CCDC50: variants seen among roughly 807,000 people sequenced by gnomAD.
The protein encoded by CCDC50 is coiled-coil domain containing 50, also known as coiled-coil domain-containing protein 50.
A neutral mutation model predicts 70.2 loss-of-function variants in CCDC50; 54 were observed. That is an observed-to-expected ratio of 0.77 (90% confidence interval 0.62 to 0.96). The LOEUF (loss-of-function observed/expected upper bound fraction) is 0.96, where lower values mean the gene tolerates loss of function less well. Ranked by LOEUF, CCDC50 falls within the 50% of genes least tolerant of loss-of-function variation. The pLI is 0.00. For missense variants in CCDC50, 558 were observed against 578.7 expected (o/e 0.96, Z 0.37); for synonymous variants, 216 against 198.8 (o/e 1.09, Z -0.73).
At chr3:191,360,840 C>T (rs1002662117) in intron 3 of CCDC50, among the ~76,000 whole-genome samples, 2 of 152,126 alleles carry the variant, frequency 1.3e-5, no homozygotes, top group Non-Finnish European at 2.9e-5. Flanking sequence ...TCCAGTTCTA[C>T]CACATATTTT....
At chr3:191,341,890 T>A (rs1394633630) in intron 1 of CCDC50, among the ~76,000 whole-genome samples, 3 of 152,216 alleles carry the variant, frequency 2.0e-5, no homozygotes, top group Non-Finnish European at 4.4e-5. Context: ...CACCTTATTC[T>A]GTATAGATTG....
chr3:191,388,677 A>G (rs1713581405), intron 10 of CCDC50, among the ~76,000 whole-genome samples: 1 of 152,220 alleles, frequency 6.6e-6, no homozygotes. Flanking sequence ...AACTTTACAA[A>G]CTTCAGAATA....
rs1019870930 is a variant in CCDC50, at chr3:191,393,236, G to C, written c.*1476G>C. Reference sequence around the variant, plus strand: ...AAGCTCACTTGTTCTCCCTCTCTCTGTCTCCCCCCCATGTACACATATATA... The same window carrying C: ...AAGCTCACTTGTTCTCCCTCTCTCTCTCTCCCCCCCATGTACACATATATA... On this transcript the variant is annotated 3_prime_UTR_variant, in exon 12 of 12. Coordinates refer to ENST00000392455, the MANE Select transcript of CCDC50 (RefSeq NM_178335.3). 1.3e-5 allele frequency: 2 copies of C among 151,770 alleles called. No individual in the cohort carries two copies. Among genetic ancestry groups the C allele is most frequent in the African/African-American group, 4.8e-5 (2 of 41,244 alleles). The allele number at this position is 151,770 out of a possible 1,614,324, so 9.4% of individuals were successfully genotyped here.
chr3:191,346,176 T>C (rs191797765), intron 1 of CCDC50, among the ~76,000 whole-genome samples: 3 of 152,352 alleles, frequency 2.0e-5, no homozygotes, highest in East Asian at 1.9e-4. Flanking sequence ...ATAAAATTGC[T>C]ACTACAACTG....
At chr3:191,359,207 C>G (rs537544822) in intron 3 of CCDC50, among the ~76,000 whole-genome samples, 11 of 152,198 alleles carry the variant, frequency 7.2e-5, no homozygotes, top group African/African-American at 1.9e-4. Flanking sequence ...CTTCACAAGA[C>G]GATGTGTTTA....
intron 4 of CCDC50, among the ~76,000 whole-genome samples, chr3:191,365,607 G>A (rs1344441110): frequency 1.3e-5 from 2 of 152,000 alleles, no homozygotes; most frequent in East Asian, 1.9e-4. Flanking sequence ...CATCCCTGCC[G>A]AGTTAGATGT....
chr3:191,390,986 G>A (rs756214532), intron 11 of CCDC50, among the ~76,000 whole-genome samples: 9 of 152,178 alleles, frequency 5.9e-5, no homozygotes, highest in Non-Finnish European at 1.2e-4. Context: ...TGGTGAAAAG[G>A]TAGTTTCTCA....
chr3:191,369,866 A>T lies in CCDC50; in HGVS notation c.331-53A>T, dbSNP rs924594905. On this transcript the variant is annotated intron_variant, in intron 4 of 11. Transcript: ENST00000392455. ...TGGAATGTCAAGCCCCACCATATGG[A>T]GTTTGTTTGTTCTTTGGTAATGTGT... 13 of 1,264,074 alleles carry T rather than the reference A, an allele frequency of 1.0e-5. No homozygotes were observed. The African/African-American group carries it at 1.8e-4, about 17-fold the overall frequency. The allele number at this position is 1,264,074 out of a possible 1,614,324, so 78.3% of individuals were successfully genotyped here.
At chr3:191,380,120 G>A (rs1422267815) in intron 6 of CCDC50, 39 bp from the exon 7 acceptor site, 5 of 1,250,096 alleles carry the variant, frequency 4.0e-6, no homozygotes, top group Non-Finnish European at 5.7e-6. Context: ...AAACATCCTC[G>A]GTTGTTTTAT....
At chr3:191,371,373 G>T (rs1712909098) in intron 5 of CCDC50, among the ~76,000 whole-genome samples, 1 of 152,136 alleles carries the variant, frequency 6.6e-6, no homozygotes, top group South Asian at 2.1e-4. Flanking sequence ...TCAAAGGAAA[G>T]ATGTTTCCTG....
chr3:191,358,723 TTC>T (rs1712380591), intron 3 of CCDC50, among the ~76,000 whole-genome samples: 1 of 152,254 alleles, frequency 6.6e-6, no homozygotes, highest in Admixed American at 6.5e-5. Flanking sequence ...GTGACTTTTA[TTC>T]TGTTTCAGTG....
At chr3:191,376,383 C>A (rs1164877690) in intron 6 of CCDC50, among the ~76,000 whole-genome samples, 1 of 152,240 alleles carries the variant, frequency 6.6e-6, no homozygotes, top group African/African-American at 2.4e-5. Flanking sequence ...AGATAAACCT[C>A]AAATTTCTGG....
intron 4 of CCDC50, among the ~76,000 whole-genome samples, chr3:191,361,650 T>C (rs1285549818): frequency 6.6e-6 from 1 of 152,224 alleles, no homozygotes; most frequent in Non-Finnish European, 1.5e-5. Flanking sequence ...TGTCTTCTTG[T>C]CTTCCTGCAA....
At chr3:191,338,910 T>G (rs1711613406) in intron 1 of CCDC50, among the ~76,000 whole-genome samples, 1 of 152,196 alleles carries the variant, frequency 6.6e-6, no homozygotes, top group South Asian at 2.1e-4. Context: ...TAAAGTGATA[T>G]GGTCATTTTG....
rs771301925 is a variant in CCDC50 at position 191,398,541 on chromosome 3, G to T, written c.*6781G>T. The T allele has an allele frequency of 3.3e-5, 5 of 152,080 alleles. No homozygotes were observed. Among genetic ancestry groups the T allele is most frequent in the Non-Finnish European group, 7.4e-5 (5 of 68,006 alleles). The allele number at this position is 152,080 out of a possible 1,614,324, so 9.4% of individuals were successfully genotyped here. A position where few individuals can be genotyped will look rare whatever the true frequency, so the allele number is the denominator to read the frequency against. ...ATTATTTACAAAATGACCCTAATAGGTCTGTTTAGTAACAGTGAAATTTTT... is the reference window on the plus strand; with the variant it reads ...ATTATTTACAAAATGACCCTAATAGTTCTGTTTAGTAACAGTGAAATTTTT... On this transcript the variant is annotated 3_prime_UTR_variant, in exon 12 of 12. Transcript: ENST00000392455.
intron 4 of CCDC50, among the ~76,000 whole-genome samples, chr3:191,368,479 G>C (rs761083989): frequency 2.6e-5 from 4 of 151,924 alleles, no homozygotes; most frequent in Non-Finnish European, 5.9e-5. Context: ...AGGCTATTTG[G>C]ATGAATAGTA....
intron 6 of CCDC50, among the ~76,000 whole-genome samples, chr3:191,378,487 A>T (rs1713193068): frequency 6.6e-6 from 1 of 152,122 alleles, no homozygotes; most frequent in Non-Finnish European, 1.5e-5. Flanking sequence ...GCAAAAGTGA[A>T]GGAGGTAGGC....
At chr3:191,362,046 A>G (rs1712508049) in intron 4 of CCDC50, among the ~76,000 whole-genome samples, 1 of 152,196 alleles carries the variant, frequency 6.6e-6, no homozygotes, top group Non-Finnish European at 1.5e-5. Context: ...AAAATGACTA[A>G]AATTACTAAT....
rs749622843 is a variant in CCDC50, at chr3:191,391,694, CA to C, written c.1430-44del. ...CAGGGAGAAAAAGCTGTTTGAGTTT[CA>C]AAGGTTTTTCCTTAATTGTGTTTCC... On this transcript the variant is annotated intron_variant, in intron 11 of 11. Transcript: ENST00000392455. 26 of 1,581,904 alleles carry C rather than the reference CA, an allele frequency of 1.6e-5. No homozygotes were observed. The African/African-American group carries it at 3.4e-4, about 20-fold the overall frequency.
Sources: allele counts gnomAD v4.1 joint callset (sites outside exome capture counted in the v4.1 genomes callset), GRCh38; gene constraint gnomAD v4.1.1; transcripts MANE v1.5; gene names NCBI Gene and HGNC (gene_info 2026-07-23, HGNC 2026-07-21).